The following SCFD2 variants were observed in gnomAD, a reference collection of about 807,000 sequenced individuals.
The protein encoded by SCFD2 is sec1 family domain containing 2.
Under a neutral mutation model 58.9 loss-of-function variants are expected in SCFD2, and 54 were observed. The observed-to-expected ratio is 0.92, with a 90% CI of 0.74 to 1.15. SCFD2 has a LOEUF of 1.15. Among genes scored for constraint, SCFD2 ranks in the 50% most tolerant of loss-of-function variants. The pLI is 0.00. For synonymous variants in SCFD2, 321 were observed against 335.9 expected (o/e 0.96, Z 0.49); for missense variants, 805 against 836.6 (o/e 0.96, Z 0.47).
chr4:52,974,542 A>G, intron 5 of SCFD2, among the ~76,000 whole-genome samples: 1 of 152,242 alleles, frequency 6.6e-6, no homozygotes, highest in Non-Finnish European at 1.5e-5. Flanking sequence ...ATGGAAGAAC[A>G]GTCCATGCTC....
intron 2 of SCFD2, among the ~76,000 whole-genome samples, chr4:53,331,433 T>A (rs1267724976): frequency 6.6e-6 from 1 of 152,144 alleles, no homozygotes; most frequent in Admixed American, 6.5e-5. Context: ...GAACTCAGGA[T>A]TAAGAATTTC....
chr4:53,252,989 T>C (rs1359854536), intron 4 of SCFD2, among the ~76,000 whole-genome samples: 1 of 152,124 alleles, frequency 6.6e-6, no homozygotes, highest in African/African-American at 2.4e-5. Flanking sequence ...AACCTACTCA[T>C]CTGACAAAGG....
rs140634404 is a variant in SCFD2 at position 52,947,432 on chromosome 4, G to T, written c.1562-26562C>A. On this transcript the variant is annotated intron_variant, in intron 5 of 8. Transcript: ENST00000401642. Reference sequence around the variant, plus strand: ...ATTTCAATGAAAATCACAAAGTGAAGTGTGTATGTATAATTTTACAAATTG... The same window carrying T: ...ATTTCAATGAAAATCACAAAGTGAATTGTGTATGTATAATTTTACAAATTG... Among the ~76,000 whole-genome samples, 1,451 of 152,342 alleles carry T rather than the reference G, an allele frequency of 9.5e-3. 23 individuals carry two copies. Among genetic ancestry groups the T allele is most frequent in the African/African-American group, 0.033 (1,354 of 41,574 alleles).
intron 5 of SCFD2, among the ~76,000 whole-genome samples, chr4:53,036,657 C>T (rs111346884): frequency 2.0e-5 from 3 of 151,830 alleles, no homozygotes; most frequent in Admixed American, 6.6e-5. Flanking sequence ...AAAATATGGA[C>T]ATAGGGAGGG....
chr4:53,301,503 G>T (rs917451147), intron 3 of SCFD2, among the ~76,000 whole-genome samples: 76 of 152,138 alleles, frequency 5.0e-4, no homozygotes, highest in African/African-American at 1.7e-3. Flanking sequence ...TGGATTCACA[G>T]CCGAATTCTA....
At chr4:53,019,608 C>T (rs953314242) in intron 5 of SCFD2, among the ~76,000 whole-genome samples, 30 of 152,128 alleles carry the variant, frequency 2.0e-4, no homozygotes, top group African/African-American at 7.2e-4. Flanking sequence ...GTTGGACAAC[C>T]CTGACACTTG....
At chr4:52,939,472 G>A (rs1428157227) in intron 5 of SCFD2, among the ~76,000 whole-genome samples, 1 of 151,994 alleles carries the variant, frequency 6.6e-6, no homozygotes, top group Non-Finnish European at 1.5e-5. Flanking sequence ...TTACTCTAAG[G>A]GCCAAACATA....
At chr4:53,232,384 A>T (rs1185207618) in intron 4 of SCFD2, among the ~76,000 whole-genome samples, 1 of 152,154 alleles carries the variant, frequency 6.6e-6, no homozygotes, top group Non-Finnish European at 1.5e-5. Context: ...TTTTTAACAC[A>T]TATTTTTCCC....
intron 5 of SCFD2, among the ~76,000 whole-genome samples, chr4:53,128,049 TAAAAA>T (rs34739040): frequency 2.0e-4 from 22 of 111,376 alleles, no homozygotes; most frequent in Non-Finnish European, 2.5e-4. Flanking sequence ...GGCCATGTCC[TAAAAA>T]AAAAAAAAAA....
intron 5 of SCFD2, among the ~76,000 whole-genome samples, chr4:53,061,360 A>G (rs1364501412): frequency 6.6e-6 from 1 of 152,142 alleles, no homozygotes; most frequent in East Asian, 1.9e-4. Context: ...AGCCCAGAGA[A>G]GTTCAATAAC....
chr4:53,180,634 C>A lies in SCFD2; in HGVS notation c.1312-35052G>T, dbSNP rs5978181. 1.3e-4 allele frequency among the ~76,000 whole-genome samples: 19 copies of A among 151,994 alleles called. No homozygotes were observed. The South Asian group carries it at 2.5e-3, about 20-fold the overall frequency. On this transcript the variant is annotated intron_variant, in intron 4 of 8. Transcript: ENST00000401642. Reference sequence around the variant, plus strand: ...AACACATTCAAAAGTTAGAAGAAGGCGAGAAATAACTAAGATCAGAGTAGA... The same window carrying A: ...AACACATTCAAAAGTTAGAAGAAGGAGAGAAATAACTAAGATCAGAGTAGA...
chr4:53,103,767 G>GAAAAAAA (rs1724898455), intron 5 of SCFD2, among the ~76,000 whole-genome samples: 1 of 7,242 alleles, frequency 1.4e-4, no homozygotes, highest in African/African-American at 2.5e-4. Flanking sequence ...AAGTAAGGAA[G>GAAAAAAA]TAAAAAAAAA....
chr4:53,134,711 A>G (rs1197262035), intron 5 of SCFD2, among the ~76,000 whole-genome samples: 1 of 152,246 alleles, frequency 6.6e-6, no homozygotes, highest in African/African-American at 2.4e-5. Flanking sequence ...TTGACAGAAC[A>G]TGAGGAGAGC....
chr4:52,947,531 T>A (rs1275970317), intron 5 of SCFD2, among the ~76,000 whole-genome samples: 1 of 152,204 alleles, frequency 6.6e-6, no homozygotes, highest in African/African-American at 2.4e-5. Flanking sequence ...AGACTCATTA[T>A]ACATATATAG....
intron 4 of SCFD2, among the ~76,000 whole-genome samples, chr4:53,191,734 A>G (rs1336787949): frequency 6.6e-6 from 1 of 152,182 alleles, no homozygotes; most frequent in African/African-American, 2.4e-5. Flanking sequence ...GAAATTAAAT[A>G]AGTAACTGTC....
intron 4 of SCFD2, among the ~76,000 whole-genome samples, chr4:53,251,772 A>G (rs1440677875): frequency 1.3e-5 from 2 of 151,932 alleles, no homozygotes; most frequent in Non-Finnish European, 2.9e-5. Flanking sequence ...CCCACAGCCA[A>G]TATCATACTG....
At chr4:52,969,798 G>T (rs542434033) in intron 5 of SCFD2, among the ~76,000 whole-genome samples, 2 of 152,114 alleles carry the variant, frequency 1.3e-5, no homozygotes, top group African/African-American at 4.8e-5. Flanking sequence ...CCTGAGATTT[G>T]GGGATTATGT....
chr4:53,204,844 T>C (rs1374712051), intron 4 of SCFD2, among the ~76,000 whole-genome samples: 1 of 151,284 alleles, frequency 6.6e-6, no homozygotes, highest in East Asian at 1.9e-4. Flanking sequence ...GGATTAGGAA[T>C]CAGAACAGGT....
At chr4:53,303,408 C>T (rs767342514) in intron 3 of SCFD2, among the ~76,000 whole-genome samples, 4 of 152,056 alleles carry the variant, frequency 2.6e-5, no homozygotes, top group Non-Finnish European at 5.9e-5. Context: ...TGAGATACCA[C>T]CTAACACCAG....
Sources: allele counts gnomAD v4.1 joint callset (sites outside exome capture counted in the v4.1 genomes callset), GRCh38; gene constraint gnomAD v4.1.1; transcripts MANE v1.5; gene names NCBI Gene and HGNC (gene_info 2026-07-23, HGNC 2026-07-21).